The following RUNX1 variants were observed in gnomAD, a reference collection of about 807,000 sequenced individuals.
RUNX1 encodes the protein runt-related transcription factor 1.
RUNX1 carries 19 observed loss-of-function variants against 42.8 expected under a neutral mutation model. The ratio of observed to expected loss-of-function variants is 0.44; its 90% CI spans 0.31 to 0.65. The LOEUF is 0.65. Ranked by LOEUF, RUNX1 falls within the 30% of genes least tolerant of loss-of-function variation. The pLI is 0.07. For missense variants in RUNX1, 528 were observed against 672.0 expected (o/e 0.79, Z 2.37); for synonymous variants, 271 against 289.4 (o/e 0.94, Z 0.64).
chr21:34,983,625 G>T (rs969626554), intron 2 of RUNX1, among the ~76,000 whole-genome samples: 1 of 152,110 alleles, frequency 6.6e-6, no homozygotes, highest in East Asian at 1.9e-4. Flanking sequence ...TGGGGCAGGG[G>T]TTTAGATTAC....
At chr21:34,978,269 C>T (rs1195218910) in intron 2 of RUNX1, among the ~76,000 whole-genome samples, 1 of 152,184 alleles carries the variant, frequency 6.6e-6, no homozygotes, top group Non-Finnish European at 1.5e-5. Context: ...AATGAGAAAT[C>T]TGTAAAAAAT....
At chr21:35,011,557 G>C (rs2059126834) in intron 2 of RUNX1, among the ~76,000 whole-genome samples, 1 of 152,154 alleles carries the variant, frequency 6.6e-6, no homozygotes, top group Admixed American at 6.5e-5. Context: ...AACCGAGGAG[G>C]GTAAGCAATA....
chr21:34,823,393 C>T (rs1013191537), intron 7 of RUNX1, among the ~76,000 whole-genome samples: 20 of 144,920 alleles, frequency 1.4e-4, no homozygotes, highest in South Asian at 6.4e-4. Flanking sequence ...AGAACCAAGA[C>T]GGTAGAGGAA....
rs1308641362 is a variant in RUNX1, at chr21:35,043,547, T to C, written c.58+5295A>G. Among the ~76,000 whole-genome samples the C allele has an allele frequency of 2.0e-5, 3 of 152,254 alleles. No individual in the cohort carries two copies. In the East Asian group the frequency reaches 5.8e-4, roughly 29 times the overall value. On this transcript the variant is annotated intron_variant, in intron 2 of 8. Transcript: ENST00000675419. The stretch of plus-strand genomic sequence containing the variant: ...AATAAAATATTTTTAAGTGGCTTTG[T>C]GTTATTAAGCTAAGAAGATTTGTGA...
chr21:34,955,259 G>T (rs996797590), intron 2 of RUNX1, among the ~76,000 whole-genome samples: 1 of 151,888 alleles, frequency 6.6e-6, no homozygotes, highest in Non-Finnish European at 1.5e-5. Flanking sequence ...TTATCCAGGG[G>T]ACTCTTACAC....
At chr21:35,037,878 C>T (rs1257150055) in intron 2 of RUNX1, among the ~76,000 whole-genome samples, 1 of 152,116 alleles carries the variant, frequency 6.6e-6, no homozygotes, top group Non-Finnish European at 1.5e-5. Flanking sequence ...CCAAAGAGCA[C>T]CAAGATCACT....
chr21:34,844,524 G>A, intron 6 of RUNX1, among the ~76,000 whole-genome samples: 1 of 152,180 alleles, frequency 6.6e-6, no homozygotes, highest in East Asian at 1.9e-4. Context: ...ACAGGACCGA[G>A]GTAAAGGCAG....
At chr21:34,973,925 C>T (rs1440080743) in intron 2 of RUNX1, among the ~76,000 whole-genome samples, 1 of 152,122 alleles carries the variant, frequency 6.6e-6, no homozygotes, top group Non-Finnish European at 1.5e-5. Flanking sequence ...TTCATACTTC[C>T]ACAAGTGCAC....
intron 7 of RUNX1, among the ~76,000 whole-genome samples, chr21:34,802,815 C>T (rs2056626833): frequency 6.6e-6 from 1 of 152,190 alleles, no homozygotes; most frequent in African/African-American, 2.4e-5. Flanking sequence ...CCTGCCTTCA[C>T]CATAAACCAA....
chr21:35,018,518 G>A (rs893626495), intron 2 of RUNX1, among the ~76,000 whole-genome samples: 10 of 152,250 alleles, frequency 6.6e-5, no homozygotes, highest in East Asian at 3.9e-4. Context: ...CAGCCTGAGC[G>A]GACGAATGCA....
intron 4 of RUNX1, among the ~76,000 whole-genome samples, chr21:34,885,859 A>G (rs923442365): frequency 6.6e-6 from 1 of 152,236 alleles, no homozygotes. Flanking sequence ...ATCTTTTCAA[A>G]CCCACCAAAG....
intron 6 of RUNX1, among the ~76,000 whole-genome samples, chr21:34,835,064 C>T (rs1398838463): frequency 6.6e-6 from 1 of 152,132 alleles, no homozygotes; most frequent in African/African-American, 2.4e-5. Context: ...GTTTTAGAGG[C>T]GGCAAAGTGG....
At chr21:35,013,514 C>T (rs546404384) in intron 2 of RUNX1, among the ~76,000 whole-genome samples, 1 of 152,208 alleles carries the variant, frequency 6.6e-6, no homozygotes, top group South Asian at 2.1e-4. Flanking sequence ...TTATTAAAGA[C>T]CCTCATCCCC....
At chr21:34,827,851 C>T (rs578099227) in intron 7 of RUNX1, among the ~76,000 whole-genome samples, 11 of 152,208 alleles carry the variant, frequency 7.2e-5, no homozygotes, top group African/African-American at 2.2e-4. Context: ...ACCTAGATTA[C>T]GAAGGATGCC....
chr21:34,888,606 C>A, intron 3 of RUNX1: 1 of 1,058,560 alleles, frequency 9.4e-7, no homozygotes, highest in Non-Finnish European at 1.1e-6. Context: ...AAAGAAGTGC[C>A]TGGCGGCGCA....
intron 2 of RUNX1, among the ~76,000 whole-genome samples, chr21:34,900,203 A>G (rs549107091): frequency 1.3e-5 from 2 of 152,326 alleles, no homozygotes; most frequent in African/African-American, 2.4e-5. Context: ...GAGCTATTTT[A>G]CATTTTTCTT....
intron 7 of RUNX1, among the ~76,000 whole-genome samples, chr21:34,830,425 C>A (rs1238224630): frequency 1.3e-5 from 2 of 152,182 alleles, no homozygotes; most frequent in African/African-American, 4.8e-5. Context: ...CACAGCCTGG[C>A]CCCAAAATTC....
rs774409456 is a variant in RUNX1, at chr21:34,879,402, G to C, written c.508+1155C>G. Among the ~76,000 whole-genome samples the C allele has an allele frequency of 2.0e-5, 3 of 152,158 alleles. No individual in the cohort carries two copies. In the East Asian group the frequency reaches 5.8e-4, roughly 29 times the overall value. On this transcript the variant is annotated intron_variant, in intron 5 of 8. Coordinates refer to ENST00000675419, the MANE Select transcript of RUNX1 (RefSeq NM_001754.5). ...TTCTATTATGAAAATGCTCCAGATA[G>C]CTAGGATAGCAAAAATAATCACCAA...
At chr21:35,047,963 C>G (rs941398190) in intron 2 of RUNX1, among the ~76,000 whole-genome samples, 6 of 152,184 alleles carry the variant, frequency 3.9e-5, no homozygotes, top group Non-Finnish European at 7.3e-5. Flanking sequence ...GACGCACATG[C>G]ACACACATAC....
Sources: allele counts gnomAD v4.1 joint callset (sites outside exome capture counted in the v4.1 genomes callset), GRCh38; gene constraint gnomAD v4.1.1; transcripts MANE v1.5; gene names NCBI Gene and HGNC (gene_info 2026-07-23, HGNC 2026-07-21).